The following NID2 variants were observed in gnomAD, a reference collection of about 807,000 sequenced individuals.
NID2 encodes nidogen 2.
NID2 carries 83 observed loss-of-function variants against 145.4 expected under a neutral mutation model. The observed-to-expected ratio is 0.57, with a 90% confidence interval of 0.48 to 0.69. The LOEUF is 0.69. Among genes scored for constraint, NID2 ranks in the 30% least tolerant of loss-of-function variants. The pLI is 0.00. For missense variants in NID2, 1,807 were observed against 1,765.7 expected (o/e 1.02, Z -0.42); for synonymous variants, 739 against 701.3 (o/e 1.05, Z -0.85).
At chr14:52,005,529 G>T in intron 21 of NID2, 33 bp from the exon 22 acceptor site, 1 of 1,592,242 alleles carries the variant, frequency 6.3e-7, no homozygotes, top group Non-Finnish European at 8.5e-7. Flanking sequence ...GGACAGGGTG[G>T]TGGGTGAGTA....
At chr14:52,042,398 G>A in intron 6 of NID2, 48 bp from the exon 7 acceptor site, 3 of 1,564,442 alleles carry the variant, frequency 1.9e-6, no homozygotes, top group Non-Finnish European at 1.7e-6. Context: ...CCTGGCTAGA[G>A]ATGGGTGTAC....
rs763753271 is a variant in NID2, at chr14:52,011,700, ATAGAAT to A, written c.3421-23_3421-18del. ...TATGGAGCCCTTTGTGCATCAAATC[ATAGAAT>A]TAGAAGAATTAGGTTACATTTCCCC... On this transcript the variant is annotated intron_variant, in intron 16 of 21. Coordinates refer to ENST00000216286, the MANE Select transcript of NID2 (RefSeq NM_007361.4). 50 of 1,613,758 alleles carry A rather than the reference ATAGAAT, an allele frequency of 3.1e-5. No individual in the cohort carries two copies. The highest frequency in any genetic ancestry group is 2.5e-4 in the South Asian group (23 of 91,082).
chr14:52,067,751 G>A (rs1473976503), intron 2 of NID2, 107 bp downstream of exon 2: 3 of 1,323,030 alleles, frequency 2.3e-6, no homozygotes, highest in East Asian at 2.3e-5. Flanking sequence ...CAGGTTCAGC[G>A]CAAGAGTAGG....
chr14:52,048,589 T>C (rs2516586), intron 5 of NID2, among the ~76,000 whole-genome samples: 75,197 of 151,856 alleles, frequency 0.5, 19,007 homozygotes, highest in South Asian at 0.57. Flanking sequence ...CTTCTTCCTA[T>C]TCTAGTTAGA....
Position 52,040,743 on chromosome 14 carries a change from T to C in NID2, c.1934A>G (p.Lys645Arg). The change falls in exon 8 of 22, where the codon AAG becomes AGG. Residue 645 changes from lysine to arginine, a missense_variant. Transcript: ENST00000216286. ...GLDPENYLSIKTNIQGQVPYV... is the reference protein window; with the variant it reads ...GLDPENYLSIRTNIQGQVPYV... The stretch of plus-strand genomic sequence containing the variant: ...AGGCACCTGGCCTTGAATGTTGGTC[T>C]TAATGCTCAGGTAGTTCTCTGGGTC... 1 of 1,614,198 alleles carries C rather than the reference T, an allele frequency of 6.2e-7. No homozygotes were observed. Among genetic ancestry groups the C allele is most frequent in the Non-Finnish European group, 8.5e-7 (1 of 1,180,018 alleles).
chr14:52,027,325 G>A lies in NID2; in HGVS notation c.2550C>T (p.Asn850=), dbSNP rs532998760. 6.3e-6 allele frequency: 10 copies of A among 1,578,854 alleles called. No homozygotes were observed. The highest frequency in any genetic ancestry group is 5.8e-5 in the South Asian group (5 of 86,196). Residue 850 remains asparagine (N), a synonymous_variant, in exon 12 of 22, where the codon AAC becomes AAT. Coordinates refer to ENST00000216286, the MANE Select transcript of NID2 (RefSeq NM_007361.4). ...HTCILITPPA[N]PCEDGSHTCA... is the part of the protein sequence containing the mutation. ...AGGTATGACTGCCATCCTCACAGGG[G>A]TTGGCAGGTGGGGTGATCACTGAAA...
chr14:52,053,810 C>T lies in NID2; in HGVS notation c.1198G>A (p.Asp400Asn), dbSNP rs201147857. ...CAGGAAGGAGCCAGTGAATCTCTGT[C>T]TACCTCTGGTGGAGCTGGGCTTCTG... is the stretch of plus-strand genomic sequence containing the variant. ...ETRSPAPPEV[D>N]RDSLAPSWET... Residue 400 changes from aspartate (D) to asparagine (N), a missense_variant, in exon 5 of 22, where the codon GAC becomes AAC. By Grantham distance (23) the Asp-to-Asn change is conservative. Coordinates refer to ENST00000216286, the MANE Select transcript of NID2 (RefSeq NM_007361.4). The T allele has an allele frequency of 2.3e-4, 371 of 1,614,194 alleles. 4 individuals are homozygous for T. Among genetic ancestry groups the T allele is most frequent in the South Asian group, 2.0e-3 (186 of 91,084 alleles).
At chr14:52,058,097 C>T (rs1892915099) in intron 3 of NID2, among the ~76,000 whole-genome samples, 1 of 152,166 alleles carries the variant, frequency 6.6e-6, no homozygotes, top group South Asian at 2.1e-4. Flanking sequence ...CTGTTTACTG[C>T]AATGATATTT....
intron 18 of NID2, 128 bp downstream of exon 18, chr14:52,010,748 A>G: frequency 2.2e-6 from 2 of 901,942 alleles, no homozygotes; most frequent in Non-Finnish European, 3.4e-6. Flanking sequence ...TCCTCAGTAA[A>G]TCTTTGTTAC....
chr14:52,042,886 TG>T lies in NID2; in HGVS notation c.1474del (p.His492ThrfsTer41). On this transcript the variant is annotated frameshift_variant, in exon 6 of 22. Coordinates refer to ENST00000216286, the MANE Select transcript of NID2 (RefSeq NM_007361.4). LOFTEE classifies it high-confidence loss of function. ...GAAGGCATGCCGGGAGCATTGTCTGTGGTTGTGTTCACAGGTTTCCTTGTTG... is the reference window on the plus strand; with the variant it reads ...GAAGGCATGCCGGGAGCATTGTCTGTGTTGTGTTCACAGGTTTCCTTGTTG... ...AANKETCEHNHRQCSRHAFCT... is the reference protein window; with the variant it reads ...AANKETCEHNXRQCSRHAFCT... 6.2e-7 allele frequency: 1 copy of T among 1,614,232 alleles called. No individual in the cohort carries two copies. The highest frequency in any genetic ancestry group is 8.5e-7 in the Non-Finnish European group (1 of 1,180,038).
At chr14:52,059,711 C>T (rs891724452) in intron 3 of NID2, among the ~76,000 whole-genome samples, 2 of 152,234 alleles carry the variant, frequency 1.3e-5, no homozygotes, top group African/African-American at 4.8e-5. Context: ...CTGCAAATTA[C>T]ATTGCTCAAT....
intron 14 of NID2, among the ~76,000 whole-genome samples, chr14:52,016,594 A>G (rs747829525): frequency 2.0e-5 from 3 of 152,020 alleles, no homozygotes; most frequent in Non-Finnish European, 4.4e-5. Flanking sequence ...ACTTCTCACT[A>G]CTGCACCCCC....
chr14:52,067,649 A>T (rs1378021981), intron 2 of NID2, among the ~76,000 whole-genome samples: 1 of 152,166 alleles, frequency 6.6e-6, no homozygotes, highest in Non-Finnish European at 1.5e-5. Flanking sequence ...TTTTTCCTCA[A>T]GGGAGTGACC....
chr14:52,048,910 C>T (rs73290014), intron 5 of NID2, among the ~76,000 whole-genome samples: 2 of 152,262 alleles, frequency 1.3e-5, no homozygotes, highest in East Asian at 1.9e-4. Context: ...TTTAACCAGG[C>T]TCCCAGCTGA....
rs188623491 is a variant in NID2, at chr14:52,067,517, T to C, written c.534+341A>G. Among the ~76,000 whole-genome samples the C allele has an allele frequency of 2.1e-3, 327 of 152,354 alleles. 1 individual carries two copies. The highest frequency in any genetic ancestry group is 7.3e-3 in the African/African-American group (304 of 41,590). ...CTGATTTTTTCCCCTTCAATGAACA[T>C]ATAATTAGAAATACTTGTATACTTA... On this transcript the variant is annotated intron_variant, in intron 2 of 21. Transcript: ENST00000216286.
chr14:52,062,008 G>A (rs551413767), intron 2 of NID2, among the ~76,000 whole-genome samples: 5 of 152,270 alleles, frequency 3.3e-5, no homozygotes, highest in African/African-American at 1.2e-4. Flanking sequence ...ACAAACTCGG[G>A]CACAGAGAAG....
At chr14:52,010,639 A>G in intron 18 of NID2, 2 of 442,014 alleles carry the variant, frequency 4.5e-6, no homozygotes, top group East Asian at 7.3e-5. Context: ...TCACAGACTA[A>G]TATTGTTTAT....
At chr14:52,059,989 C>G in intron 3 of NID2, 135 bp downstream of exon 3, 1 of 566,852 alleles carries the variant, frequency 1.8e-6, no homozygotes, top group Non-Finnish European at 3.0e-6. Flanking sequence ...GAATCTAGTT[C>G]CTTGGTTTTG....
chr14:52,058,479 C>T (rs961775638), intron 3 of NID2, among the ~76,000 whole-genome samples: 2 of 152,114 alleles, frequency 1.3e-5, no homozygotes, highest in Non-Finnish European at 2.9e-5. Flanking sequence ...ACTCTGCTTT[C>T]GCCAAGCAAT....
Sources: gnomAD v4.1 joint callset for allele counts (sites outside exome capture counted in the v4.1 genomes callset) on GRCh38, gnomAD v4.1.1 for gene constraint, MANE v1.5 for transcripts, NCBI Gene and HGNC (gene_info 2026-07-23, HGNC 2026-07-21) for gene names.